PYCR3: variants seen among roughly 807,000 people sequenced by gnomAD.
The protein encoded by PYCR3 is pyrroline-5-carboxylate reductase 3.
In PYCR3, 26 loss-of-function variants were observed where a neutral mutation model predicts 23.4. The observed-to-expected ratio is 1.11, with a 90% confidence interval of 0.81 to 1.54. The LOEUF is 1.54. Among genes scored for constraint, PYCR3 ranks in the 40% most tolerant of loss-of-function variants. PYCR3 has a pLI of 0.00. For synonymous variants in PYCR3, 194 were observed against 162.6 expected (o/e 1.19, Z -1.47); for missense variants, 360 against 376.3 (o/e 0.96, Z 0.36).
Position 143,606,134 on chromosome 8 carries a change from G to A in PYCR3, c.570C>T (p.Ala190=). ...GVAFVCAFSE[A]LAEGAVKMGM... ...CCATCTTGACGGCTCCTTCAGCCAG[G>A]GCCTCGGAGAATGCACACACCTGTA... is the stretch of plus-strand genomic sequence containing the variant. Residue 190 remains alanine, a synonymous_variant, in exon 5 of 6, where the codon GCC becomes GCT. Coordinates refer to ENST00000495276, the MANE Select transcript of PYCR3 (RefSeq NM_023078.6). 9 of 1,609,902 alleles carry A rather than the reference G, an allele frequency of 5.6e-6. No individual in the cohort carries two copies. The highest frequency in any genetic ancestry group is 7.6e-6 in the Non-Finnish European group (9 of 1,178,828).
At position 143,605,359 on chromosome 8, in the gene PYCR3, C is replaced by T. The variant is rs1396215377; in HGVS notation, c.*341G>A. The T allele has an allele frequency of 5.1e-6, 2 of 390,594 alleles. No homozygotes were observed. Among genetic ancestry groups the T allele is most frequent in the Non-Finnish European group, 4.7e-6 (1 of 212,084 alleles). 24.2% of individuals were successfully genotyped at this position (390,594 alleles called of 1,614,324 possible). Reference sequence around the variant, plus strand: ...CGTGCCTGTTACCGTAAGTTCTGTTCATGGCCTCAACCAACTGCCCAACCA... The same window carrying T: ...CGTGCCTGTTACCGTAAGTTCTGTTTATGGCCTCAACCAACTGCCCAACCA... On this transcript the variant is annotated 3_prime_UTR_variant, in exon 6 of 6. Transcript: ENST00000495276.
In PYCR3 at chr8:143,606,937, C is replaced by A; in HGVS notation, c.336+16G>T. 3 of 1,583,572 alleles carry A rather than the reference C, an allele frequency of 1.9e-6. No homozygotes were observed. The highest frequency in any genetic ancestry group is 2.6e-6 in the Non-Finnish European group (3 of 1,160,832). ...GCCTATACTGGGACCAAGGCCTTAG[C>A]CCAAGGGACACTCACCTCCTCCAGG... On this transcript the variant is annotated intron_variant, in intron 3 of 5. Transcript: ENST00000495276.
At chr8:143,607,985 T>G (rs926053156) in intron 2 of PYCR3, 77 bp downstream of exon 2, 3 of 1,118,216 alleles carry the variant, frequency 2.7e-6, no homozygotes, top group Non-Finnish European at 4.1e-6. Flanking sequence ...CTGGCTCTGA[T>G]AAGTGTCTTA....
chr8:143,605,997 C>A, intron 5 of PYCR3, 65 bp downstream of exon 5: 1 of 1,562,564 alleles, frequency 6.4e-7, no homozygotes, highest in Non-Finnish European at 8.7e-7. Flanking sequence ...TGCTGTTTCC[C>A]TGCGCACTGG....
In PYCR3 at chr8:143,609,537, C is replaced by G; in HGVS notation, c.12G>C (p.Ala4=). 6.6e-7 allele frequency: 1 copy of G among 1,511,044 alleles called. No individual in the cohort carries two copies. The highest frequency in any genetic ancestry group is 8.8e-7 in the Non-Finnish European group (1 of 1,137,436). 93.6% of individuals were successfully genotyped at this position (1,511,044 alleles called of 1,614,324 possible). Residue 4 remains alanine (A), a synonymous_variant, in exon 1 of 6, where the codon GCG becomes GCC. Transcript: ENST00000495276. The part of the protein sequence containing the change: MAA[A]EPSPRRVGFV... ...AGCCCACGCGCCGCGGAGACGGCTC[C>G]GCAGCTGCCATCTTGTTGCCTCGGA... is the stretch of plus-strand genomic sequence containing the variant.
At position 143,605,531 on chromosome 8, in the gene PYCR3, C is replaced by A; in HGVS notation, c.*169G>T. 1 of 653,576 alleles carries A rather than the reference C, an allele frequency of 1.5e-6. No individual in the cohort carries two copies. The highest frequency in any genetic ancestry group is 2.6e-6 in the Non-Finnish European group (1 of 390,096). The allele number at this position is 653,576 out of a possible 1,614,324, so 40.5% of individuals were successfully genotyped here. ...AGGAGTGTCCCCACTGGTCGGGGCT[C>A]CCCCGCCTGCTGGAACCTCCCAAGT... On this transcript the variant is annotated 3_prime_UTR_variant, in exon 6 of 6. Transcript: ENST00000495276.
intron 4 of PYCR3, 139 bp downstream of exon 4, chr8:143,606,328 A>G (rs1339418090): frequency 1.8e-6 from 2 of 1,099,644 alleles, no homozygotes. Flanking sequence ...TCCCGGGGAC[A>G]AGCAGAGCTC....
intron 1 of PYCR3, 108 bp from the exon 2 acceptor site, chr8:143,608,234 T>G: frequency 1.2e-6 from 1 of 837,396 alleles, no homozygotes; most frequent in Non-Finnish European, 2.0e-6. Context: ...GCCTGGCCCA[T>G]CCTGGGCCCC....
rs201384038 is a variant in PYCR3, at chr8:143,606,634, G to A, written c.382C>T (p.Pro128Ser). Residue 128 changes from proline to serine, a missense_variant, in exon 4 of 6, where the codon CCC becomes TCC. Physicochemically the swap from Pro to Ser is moderately conservative, Grantham distance 74. Coordinates refer to ENST00000495276, the MANE Select transcript of PYCR3 (RefSeq NM_023078.6). ...TRVLRVLPNL[P>S]CVVQEGAIVM... ...ATGGCCCCTTCCTGGACCACACAGGGCAGGTTGGGCAAGACCCGCAGCACC... is the reference window on the plus strand; with the variant it reads ...ATGGCCCCTTCCTGGACCACACAGGACAGGTTGGGCAAGACCCGCAGCACC... 36 of 1,608,372 alleles carry A rather than the reference G, an allele frequency of 2.2e-5. No individual in the cohort carries two copies. The East Asian group carries it at 4.0e-4, about 18-fold the overall frequency.
At chr8:143,606,878 G>C (rs1829416373) in intron 3 of PYCR3, 75 bp downstream of exon 3, 61 of 1,487,326 alleles carry the variant, frequency 4.1e-5, no homozygotes, top group Non-Finnish European at 5.2e-5. Context: ...AGGCTCTCTG[G>C]GGGGCTGCCT....
At chr8:143,607,254 T>G in intron 2 of PYCR3, 122 bp from the exon 3 acceptor site, 1 of 948,350 alleles carries the variant, frequency 1.1e-6, no homozygotes, top group Non-Finnish European at 1.5e-6. Context: ...CCATTGCAAG[T>G]GTCTAGACCA....
chr8:143,607,649 CACATGCACTCATGA>C (rs1829439858), intron 2 of PYCR3, among the ~76,000 whole-genome samples: 1 of 152,276 alleles, frequency 6.6e-6, no homozygotes, highest in South Asian at 2.1e-4. Context: ...CACACAGGTG[CACATGCACTCATGA>C]GCATGCACTC....
In PYCR3 at chr8:143,608,330, C is replaced by T. The variant is rs187660176; in HGVS notation, c.92-204G>A. The T allele has an allele frequency of 7.4e-3, 4,295 of 584,282 alleles. 23 individuals are homozygous for T. The highest frequency in any genetic ancestry group is 0.01 in the Non-Finnish European group (3,415 of 329,046). 36.2% of individuals were successfully genotyped at this position (584,282 alleles called of 1,614,324 possible). On this transcript the variant is annotated intron_variant, in intron 1 of 5. Transcript: ENST00000495276. The stretch of plus-strand genomic sequence containing the variant: ...CACTGATTCTACTTGGCGGTCAACG[C>T]CCCTGACTGCTGCTGGGTATGGAGG...
At position 143,605,216 on chromosome 8, in the gene PYCR3, C is replaced by T. The variant is rs1311218409; in HGVS notation, c.*484G>A. Reference sequence around the variant, plus strand: ...CAGGGGAGAGGGTCTCTTGTGCAGACCCCATATGGCTCGTGCCCCCTAGAG... The same window carrying T: ...CAGGGGAGAGGGTCTCTTGTGCAGATCCCATATGGCTCGTGCCCCCTAGAG... On this transcript the variant is annotated 3_prime_UTR_variant, in exon 6 of 6. Transcript: ENST00000495276. The T allele has an allele frequency of 3.1e-6, 1 of 320,116 alleles. No individual in the cohort carries two copies. The highest frequency in any genetic ancestry group is 6.1e-6 in the Non-Finnish European group (1 of 164,784). 19.8% of individuals were successfully genotyped at this position (320,116 alleles called of 1,614,324 possible).
intron 1 of PYCR3, 100 bp from the exon 2 acceptor site, chr8:143,608,226 C>T: frequency 2.2e-6 from 2 of 895,576 alleles, no homozygotes; most frequent in Non-Finnish European, 3.6e-6. Flanking sequence ...TCAGCCACGC[C>T]TGGCCCATCC....
At position 143,605,043 on chromosome 8, in the gene PYCR3, C is replaced by G; in HGVS notation, c.*657G>C. 2.3e-6 allele frequency: 1 copy of G among 431,320 alleles called. No individual in the cohort carries two copies. The highest frequency in any genetic ancestry group is 4.6e-6 in the Non-Finnish European group (1 of 215,702). The allele number at this position is 431,320 out of a possible 1,614,324, so 26.7% of individuals were successfully genotyped here. On this transcript the variant is annotated 3_prime_UTR_variant, in exon 6 of 6. Coordinates refer to ENST00000495276, the MANE Select transcript of PYCR3 (RefSeq NM_023078.6). Reference sequence around the variant, plus strand: ...CCTACCACTGCCCACCTGGTGCCACCCCAGCACTGCCGCAGACCTGGCCCA... The same window carrying G: ...CCTACCACTGCCCACCTGGTGCCACGCCAGCACTGCCGCAGACCTGGCCCA...
rs1399326069 is a variant in PYCR3 at position 143,605,888 on chromosome 8, G to A, written c.643-6C>T. On this transcript the variant is annotated splice_region_variant and splice_polypyrimidine_tract_variant and intron_variant, in intron 5 of 5. Transcript: ENST00000495276. ...AGCAGCATCTTGGCCGTCCCCTGAG[G>A]AGAGCGTTAGGGCCTGGTGACGGGG... is the stretch of plus-strand genomic sequence containing the variant. 6.2e-7 allele frequency: 1 copy of A among 1,600,772 alleles called. No homozygotes were observed. Among genetic ancestry groups the A allele is most frequent in the East Asian group, 2.2e-5 (1 of 44,542 alleles).
chr8:143,608,295 C>T, intron 1 of PYCR3, 169 bp from the exon 2 acceptor site: 1 of 602,750 alleles, frequency 1.7e-6, no homozygotes, highest in Non-Finnish European at 2.9e-6. Flanking sequence ...TGGGCCCAGG[C>T]AATCAGATCC....
At position 143,604,986 on chromosome 8, in the gene PYCR3, AG is replaced by A; in HGVS notation, c.*713del. 2.1e-6 allele frequency: 1 copy of A among 484,420 alleles called. No individual in the cohort carries two copies. The highest frequency in any genetic ancestry group is 4.1e-6 in the Non-Finnish European group (1 of 243,298). 30.0% of individuals were successfully genotyped at this position (484,420 alleles called of 1,614,324 possible). ...GGGTCTGCATGTGTCCTGGCTGGCCAGGGCCACCCTCCCAGACCTCAAGCCA... is the reference window on the plus strand; with the variant it reads ...GGGTCTGCATGTGTCCTGGCTGGCCAGGCCACCCTCCCAGACCTCAAGCCA... On this transcript the variant is annotated 3_prime_UTR_variant, in exon 6 of 6. Coordinates refer to ENST00000495276, the MANE Select transcript of PYCR3 (RefSeq NM_023078.6).
Sources: gnomAD v4.1 joint callset for allele counts (sites outside exome capture counted in the v4.1 genomes callset) on GRCh38, gnomAD v4.1.1 for gene constraint, MANE v1.5 for transcripts, NCBI Gene and HGNC (gene_info 2026-07-23, HGNC 2026-07-21) for gene names.